Variants in LRBA observed in about 807,000 individuals in gnomAD.
LRBA encodes LPS responsive beige-like anchor protein.
A neutral mutation model predicts 330.0 loss-of-function variants in LRBA; 176 were observed. The observed-to-expected ratio is 0.53, with a 90% CI of 0.47 to 0.60. LRBA has a LOEUF of 0.60. Ranked by LOEUF, LRBA falls within the 20% of genes least tolerant of loss-of-function variation. The pLI, the probability that LRBA is intolerant of heterozygous loss-of-function variation, is 0.00. For synonymous variants in LRBA, 1,230 were observed against 1,193.0 expected (o/e 1.03, Z -0.64); for missense variants, 3,259 against 3,444.8 (o/e 0.95, Z 1.35).
intron 44 of LRBA, among the ~76,000 whole-genome samples, chr4:150,448,146 C>T (rs954556100): frequency 1.1e-4 from 16 of 152,276 alleles, no homozygotes; most frequent in African/African-American, 3.4e-4. Flanking sequence ...TAGCCTAGGA[C>T]ACCTTGTTGT....
chr4:150,430,614 C>T (rs1263079801), intron 46 of LRBA, among the ~76,000 whole-genome samples: 1 of 152,162 alleles, frequency 6.6e-6, no homozygotes, highest in Non-Finnish European at 1.5e-5. Flanking sequence ...CAGAGTCTGA[C>T]ACTGGATAAA....
chr4:150,721,448 C>T (rs529738637), intron 36 of LRBA: 8 of 292,600 alleles, frequency 2.7e-5, no homozygotes, highest in Non-Finnish European at 5.3e-5. Flanking sequence ...ATAAAGAAAA[C>T]CCAGAAGTTT....
intron 2 of LRBA, among the ~76,000 whole-genome samples, chr4:151,006,693 GA>G (rs1016661438): frequency 6.6e-6 from 1 of 150,748 alleles, no homozygotes; most frequent in Non-Finnish European, 1.5e-5. Context: ...TCACAAACAG[GA>G]AAAAAAAATC....
chr4:150,381,648 C>T (rs1193909806), intron 47 of LRBA, among the ~76,000 whole-genome samples: 2 of 150,940 alleles, frequency 1.3e-5, no homozygotes, highest in Admixed American at 1.3e-4. Context: ...ATGACTAATG[C>T]TGCTATAAAC....
chr4:150,390,576 G>C (rs1487655172), intron 47 of LRBA, among the ~76,000 whole-genome samples: 1 of 151,838 alleles, frequency 6.6e-6, no homozygotes, highest in African/African-American at 2.4e-5. Context: ...ATAGGTAGTG[G>C]GATATAAAAT....
intron 48 of LRBA, among the ~76,000 whole-genome samples, chr4:150,343,737 C>T (rs1449902838): frequency 1.3e-5 from 2 of 152,164 alleles, no homozygotes; most frequent in African/African-American, 4.8e-5. Flanking sequence ...CAGGCGTGCA[C>T]ACACACACAT....
chr4:150,530,887 G>A (rs1049441523), intron 40 of LRBA, among the ~76,000 whole-genome samples: 1 of 152,108 alleles, frequency 6.6e-6, no homozygotes, highest in African/African-American at 2.4e-5. Context: ...TATACACATA[G>A]GGAAGCTCAG....
In LRBA at chr4:150,677,842, G is replaced by GAAGAA. The variant is rs1226971011; in HGVS notation, c.5921+5708_5921+5709insTTCTT. On this transcript the variant is annotated intron_variant, in intron 37 of 56. Transcript: ENST00000651943. ...AAAAAGAAAAAGAAAAAAGAAAAGA[G>GAAGAA]AAAAGTGTATAGTTCTCTGATTCCC... Among the ~76,000 whole-genome samples the GAAGAA allele has an allele frequency of 5.5e-3, 830 of 151,158 alleles. 43 individuals carry two copies. The East Asian group carries it at 0.13, about 24-fold the overall frequency.
chr4:150,405,928 G>A (rs574158317), intron 47 of LRBA, among the ~76,000 whole-genome samples: 217 of 152,100 alleles, frequency 1.4e-3, no homozygotes, highest in African/African-American at 4.8e-3. Context: ...AGTGGCACAC[G>A]TTTGTACTCC....
rs147974925 is a variant in LRBA at position 150,713,830 on chromosome 4, A to G, written c.5754+21428T>C. Among the ~76,000 whole-genome samples the G allele has an allele frequency of 4.2e-3, 644 of 152,326 alleles. 4 individuals are homozygous for G. The highest frequency in any genetic ancestry group is 0.015 in the African/African-American group (623 of 41,576). ...TAGAGACACTTTTATTAAATCGACA[A>G]ATACAATTATCACATTTTCCCCATA... On this transcript the variant is annotated intron_variant, in intron 36 of 56. Transcript: ENST00000651943.
intron 36 of LRBA, among the ~76,000 whole-genome samples, chr4:150,710,403 A>G (rs1356596365): frequency 1.3e-5 from 2 of 152,180 alleles, no homozygotes; most frequent in Non-Finnish European, 2.9e-5. Flanking sequence ...GGCAATTACA[A>G]GTATACAGTG....
At chr4:150,637,889 A>G (rs1778081351) in intron 37 of LRBA, among the ~76,000 whole-genome samples, 1 of 152,128 alleles carries the variant, frequency 6.6e-6, no homozygotes, top group African/African-American at 2.4e-5. Flanking sequence ...CTTTAGAGTG[A>G]TTTGTAACAA....
intron 36 of LRBA, among the ~76,000 whole-genome samples, chr4:150,734,533 T>C (rs540508311): frequency 1.3e-5 from 2 of 152,336 alleles, no homozygotes; most frequent in East Asian, 3.9e-4. Flanking sequence ...CTGTTCTTGA[T>C]ATGTTAGAAG....
At chr4:150,736,607 T>C (rs146323233) in intron 35 of LRBA, among the ~76,000 whole-genome samples, 2 of 151,924 alleles carry the variant, frequency 1.3e-5, no homozygotes, top group East Asian at 1.9e-4. Context: ...ATATAGGACA[T>C]GGTAAAAGAA....
chr4:150,501,951 G>A (rs1260752200), intron 40 of LRBA, among the ~76,000 whole-genome samples: 1 of 152,172 alleles, frequency 6.6e-6, no homozygotes, highest in Middle Eastern at 3.2e-3. Context: ...AGGGCCCAGA[G>A]GAAAATAGAG....
At chr4:150,574,227 C>T (rs1434496616) in intron 40 of LRBA, among the ~76,000 whole-genome samples, 4 of 152,082 alleles carry the variant, frequency 2.6e-5, no homozygotes, top group Non-Finnish European at 5.9e-5. Flanking sequence ...TTGTCCCTCA[C>T]AGTTGTCTCC....
At chr4:150,360,444 C>T (rs943889930) in intron 47 of LRBA, among the ~76,000 whole-genome samples, 1 of 152,048 alleles carries the variant, frequency 6.6e-6, no homozygotes, top group Non-Finnish European at 1.5e-5. Context: ...ATCTGGTATA[C>T]ATTTTACACT....
chr4:150,572,085 A>G (rs1363506482), intron 40 of LRBA, among the ~76,000 whole-genome samples: 1 of 152,108 alleles, frequency 6.6e-6, no homozygotes, highest in Non-Finnish European at 1.5e-5. Context: ...TTGTGTTTAC[A>G]TGAGCATAAA....
chr4:150,501,219 C>T (rs532670250), intron 40 of LRBA, among the ~76,000 whole-genome samples: 14 of 152,138 alleles, frequency 9.2e-5, no homozygotes, highest in South Asian at 2.1e-4. Context: ...GTTCTTATGA[C>T]ACTACATCAC....
Sources: allele counts gnomAD v4.1 joint callset (sites outside exome capture counted in the v4.1 genomes callset), GRCh38; gene constraint gnomAD v4.1.1; transcripts MANE v1.5; gene names NCBI Gene and HGNC (gene_info 2026-07-23, HGNC 2026-07-21).